COL4A6: variants seen among roughly 807,000 people sequenced by gnomAD.
COL4A6 encodes the protein collagen alpha-6(IV) chain.
In COL4A6, 59 loss-of-function variants were observed where a neutral mutation model predicts 126.7. The ratio of observed to expected loss-of-function variants is 0.47; its 90% CI spans 0.38 to 0.58. The LOEUF (loss-of-function observed/expected upper bound fraction) is 0.58. Among genes scored for constraint, COL4A6 ranks in the 20% least tolerant of loss-of-function variants. The pLI, the probability that COL4A6 is intolerant of heterozygous loss-of-function variation, is 0.00. For synonymous variants in COL4A6, 547 were observed against 496.6 expected (o/e 1.10, Z -1.35); for missense variants, 1,285 against 1,337.3 (o/e 0.96, Z 0.61).
At position 108,184,143 on chromosome X, in the gene COL4A6, C is replaced by A. The variant is rs962202224; in HGVS notation, c.1951+2953G>T. 8.9e-5 allele frequency among the ~76,000 whole-genome samples: 10 copies of A among 112,354 alleles called. No homozygotes were observed. In the East Asian group the frequency reaches 2.8e-3, roughly 31 times the overall value. Reference sequence around the variant, plus strand: ...GAGTGGGCACATTCAGGAATAGCATCTTAGTTTTTTTCTAGCAACAGAAAT... The same window carrying A: ...GAGTGGGCACATTCAGGAATAGCATATTAGTTTTTTTCTAGCAACAGAAAT... On this transcript the variant is annotated intron_variant, in intron 23 of 44. Coordinates refer to ENST00000334504, the MANE Select transcript of COL4A6 (RefSeq NM_033641.4).
Position 108,180,585 on chromosome X carries a change from G to T in COL4A6, c.2061C>A (p.Gly687=). ...CTTTACTTCCACTTGACCCAGGCTG[G>T]CCTGGGGTCCCAGGGAGGCCTCGAG... ...KGSRGLPGTP[G]QPGSSGSKGE... Residue 687 remains glycine, a synonymous_variant, in exon 25 of 45, where the codon GGC becomes GGA. Coordinates refer to ENST00000334504, the MANE Select transcript of COL4A6 (RefSeq NM_033641.4). The T allele has an allele frequency of 8.3e-7, 1 of 1,204,906 alleles. No individual in the cohort carries two copies. Among genetic ancestry groups the T allele is most frequent in the East Asian group, 3.0e-5 (1 of 33,711 alleles).
chrX:108,436,171 G>T (rs899219745), intron 2 of COL4A6, among the ~76,000 whole-genome samples: 7 of 112,450 alleles, frequency 6.2e-5, no homozygotes, highest in Non-Finnish European at 9.4e-5. Flanking sequence ...AGTGAAGGAA[G>T]TGGCTGTGTA....
intron 2 of COL4A6, among the ~76,000 whole-genome samples, chrX:108,311,817 T>C (rs944228919): frequency 8.9e-6 from 1 of 111,784 alleles, no homozygotes; most frequent in Admixed American, 9.5e-5. Context: ...AGGGACTTCA[T>C]TGTTTTGTCC....
At chrX:108,378,524 C>T (rs1271268357) in intron 2 of COL4A6, among the ~76,000 whole-genome samples, 2 of 112,161 alleles carry the variant, frequency 1.8e-5, no homozygotes, top group Non-Finnish European at 3.8e-5. Flanking sequence ...CAGATGTTTG[C>T]CAGAGTTTTT....
chrX:108,370,134 A>G (rs1179914956), intron 2 of COL4A6, among the ~76,000 whole-genome samples: 1 of 112,393 alleles, frequency 8.9e-6, no homozygotes, highest in African/African-American at 3.2e-5. Flanking sequence ...TTCCTGCTTC[A>G]GTGTTGGTGT....
chrX:108,350,426 G>A (rs901753573), intron 2 of COL4A6, among the ~76,000 whole-genome samples: 28 of 111,022 alleles, frequency 2.5e-4, no homozygotes, highest in Admixed American at 9.6e-5. Context: ...CAGATTCTCA[G>A]GTCCTCATCC....
intron 2 of COL4A6, among the ~76,000 whole-genome samples, chrX:108,385,131 G>C (rs935698215): frequency 7.3e-5 from 8 of 110,072 alleles, no homozygotes; most frequent in Admixed American, 3.9e-4. Context: ...AATATAGTAT[G>C]TGTATAGAAT....
intron 3 of COL4A6, chrX:108,268,775 A>G (rs2037376380): frequency 6.6e-6 from 1 of 152,596 alleles, no homozygotes; most frequent in African/African-American, 3.1e-5. Context: ...TGAGGGCCAA[A>G]CGCAGACATT....
chrX:108,157,289 G>A, intron 44 of COL4A6, 29 bp from the exon 45 acceptor site: 2 of 1,193,718 alleles, frequency 1.7e-6, no homozygotes, highest in Non-Finnish European at 2.3e-6. Context: ...TAGTGCATGA[G>A]CTGTGCCTGC....
intron 2 of COL4A6, among the ~76,000 whole-genome samples, chrX:108,356,263 T>C (rs1347659460): frequency 9.1e-6 from 1 of 109,309 alleles, no homozygotes; most frequent in Non-Finnish European, 1.9e-5. Context: ...CACACCACCA[T>C]GGCACATGTA....
At chrX:108,295,557 G>T (rs1178037484) in intron 3 of COL4A6, among the ~76,000 whole-genome samples, 1 of 112,509 alleles carries the variant, frequency 8.9e-6, no homozygotes, top group Non-Finnish European at 1.9e-5. Flanking sequence ...AATGGTTTGG[G>T]TTTTGTGGAT....
chrX:108,198,609 T>C (rs1373041559), intron 13 of COL4A6, among the ~76,000 whole-genome samples: 2 of 111,062 alleles, frequency 1.8e-5, no homozygotes, highest in Non-Finnish European at 3.8e-5. Flanking sequence ...CAAGATGCCC[T>C]GGGACTGGCC....
chrX:108,190,589 T>G, intron 19 of COL4A6, 93 bp from the exon 20 acceptor site: 1 of 503,320 alleles, frequency 2.0e-6, no homozygotes, highest in Non-Finnish European at 3.3e-6. Context: ...AAGGCCCAAG[T>G]CCTTGAGGCT....
In COL4A6 at chrX:108,235,876, C is replaced by A. The variant is rs951355988; in HGVS notation, c.145-14502G>T. Among the ~76,000 whole-genome samples the A allele has an allele frequency of 1.1e-4, 12 of 110,266 alleles. No homozygotes were observed. In the East Asian group the frequency reaches 3.2e-3, roughly 29 times the overall value. ...GGGAAGTGGCAGTCAGAAAAGCAAGCAAAACAGGCTAAATCCTACGATCTG... is the reference window on the plus strand; with the variant it reads ...GGGAAGTGGCAGTCAGAAAAGCAAGAAAAACAGGCTAAATCCTACGATCTG... On this transcript the variant is annotated intron_variant, in intron 3 of 44. Transcript: ENST00000334504.
intron 3 of COL4A6, among the ~76,000 whole-genome samples, chrX:108,260,575 T>C (rs1313198859): frequency 9.0e-6 from 1 of 111,117 alleles, no homozygotes; most frequent in African/African-American, 3.3e-5. Context: ...TCTGCCACCA[T>C]GTGAGATGTG....
At chrX:108,295,322 C>A (rs967064724) in intron 3 of COL4A6, among the ~76,000 whole-genome samples, 5 of 111,865 alleles carry the variant, frequency 4.5e-5, no homozygotes, top group African/African-American at 9.8e-5. Context: ...GGAGCTCTGG[C>A]TTTCTGTGGG....
At chrX:108,395,953 G>A (rs2040954345) in intron 2 of COL4A6, among the ~76,000 whole-genome samples, 2 of 111,298 alleles carry the variant, frequency 1.8e-5, no homozygotes, top group South Asian at 3.7e-4. Context: ...GCATTAAACT[G>A]TTCACTTTGG....
intron 3 of COL4A6, among the ~76,000 whole-genome samples, chrX:108,272,503 C>T (rs1444730395): frequency 9.0e-6 from 1 of 111,371 alleles, no homozygotes; most frequent in Non-Finnish European, 1.9e-5. Context: ...TCCATGTATG[C>T]ATAGCCAGCC....
intron 13 of COL4A6, among the ~76,000 whole-genome samples, chrX:108,197,351 C>T (rs1216183634): frequency 2.7e-5 from 3 of 111,784 alleles, no homozygotes; most frequent in South Asian, 7.6e-4. Flanking sequence ...CCTCTGGGTC[C>T]AGGGAAAATG....
Sources: gnomAD v4.1 joint callset for allele counts (sites outside exome capture counted in the v4.1 genomes callset) on GRCh38, gnomAD v4.1.1 for gene constraint, MANE v1.5 for transcripts, NCBI Gene and HGNC (gene_info 2026-07-23, HGNC 2026-07-21) for gene names.